The following ITGAX variants were observed in gnomAD, a reference collection of about 807,000 sequenced individuals.
ITGAX encodes integrin subunit alpha X, also known as integrin alpha-X.
Under a neutral mutation model 140.2 loss-of-function variants are expected in ITGAX, and 99 were observed. That is an observed-to-expected ratio of 0.71 (90% CI 0.60 to 0.83). The LOEUF (loss-of-function observed/expected upper bound fraction) is 0.83. Ranked by LOEUF, ITGAX falls within the 40% of genes least tolerant of loss-of-function variation. ITGAX has a pLI of 0.00. For missense variants in ITGAX, 1,444 were observed against 1,482.0 expected, an observed-to-expected ratio of 0.97 and a Z score of 0.42; for synonymous variants, 631 against 600.4, an observed-to-expected ratio of 1.05 and a Z score of -0.75.
chr16:31,372,851 T>C (rs1389555042), intron 19 of ITGAX, among the ~76,000 whole-genome samples, 181 bp downstream of exon 19: 1 of 152,040 alleles, frequency 6.6e-6, no homozygotes, highest in Admixed American at 6.6e-5. Context: ...TGGGAGGATC[T>C]TTTGAGGCCA....
In ITGAX at chr16:31,380,542, C is replaced by T. The variant is rs202128589; in HGVS notation, c.3194C>T (p.Ser1065Leu). The T allele has an allele frequency of 7.4e-5, 119 of 1,614,204 alleles. No individual in the cohort carries two copies. In the South Asian group the frequency reaches 8.8e-4, roughly 12 times the overall value. ...TTGCAGATATTGCAGAAGAAGGTGT[C>T]GGTCGTGAGTGTGGCTGAAATTACG... Reference protein sequence around the residue: ...WVRQILQKKVSVVSVAEITFD... With the variant: ...WVRQILQKKVLVVSVAEITFD... The change falls in exon 28 of 30, where the codon TCG becomes TTG. Residue 1065 changes from serine to leucine, a missense_variant. Physicochemically the swap from Ser to Leu is moderately radical, Grantham distance 145. Coordinates refer to ENST00000268296, the MANE Select transcript of ITGAX (RefSeq NM_000887.5).
chr16:31,362,931 T>C lies in ITGAX; in HGVS notation c.1360-4T>C, dbSNP rs770740038. The stretch of plus-strand genomic sequence containing the variant: ...GGCAGCATGACCCAGGCTCTGCCCT[T>C]CAGATCGGCTCCTACTTCGGGGCCT... On this transcript the variant is annotated splice_polypyrimidine_tract_variant and splice_region_variant and intron_variant, in intron 12 of 29. Coordinates refer to ENST00000268296, the MANE Select transcript of ITGAX (RefSeq NM_000887.5). The C allele has an allele frequency of 1.9e-6, 3 of 1,611,568 alleles. No homozygotes were observed. Among genetic ancestry groups the C allele is most frequent in the Non-Finnish European group, 2.5e-6 (3 of 1,179,676 alleles).
At chr16:31,373,141 G>T (rs2080988031) in intron 19 of ITGAX, 108 bp from the exon 20 acceptor site, 1 of 759,542 alleles carries the variant, frequency 1.3e-6, no homozygotes, top group Admixed American at 2.7e-5. Context: ...GAACCCAGGG[G>T]TCCGTCCCCT....
rs1329053809 is a variant in ITGAX, at chr16:31,381,909, C to T, written c.*2C>T. ...CCCAGCCCGCCCAGTGAGAAATGAT[C>T]CCCTCTTTGCCTTGGACTTCTTCTC... On this transcript the variant is annotated 3_prime_UTR_variant, in exon 30 of 30. Coordinates refer to ENST00000268296, the MANE Select transcript of ITGAX (RefSeq NM_000887.5). 9 of 939,202 alleles carry T rather than the reference C, an allele frequency of 9.6e-6. No individual in the cohort carries two copies. The highest frequency in any genetic ancestry group is 1.2e-5 in the Non-Finnish European group (7 of 563,036). 58.2% of individuals were successfully genotyped at this position (939,202 alleles called of 1,614,324 possible).
Position 31,360,312 on chromosome 16 carries a change from AC to A in ITGAX, c.712del (p.Arg238AspfsTer53), listed in dbSNP as rs1371952188. On this transcript the variant is annotated frameshift_variant, in exon 8 of 30. Transcript: ENST00000268296. LOFTEE classifies it high-confidence loss of function. Reference sequence around the variant, plus strand: ...TAAGACCTCTCCTTTCCTGATAGGCACCGATTGTTCCATGCCTCATATGGGG... The same window carrying A: ...TAAGACCTCTCCTTTCCTGATAGGCACGATTGTTCCATGCCTCATATGGGG... ...YTATAIQNVV[H>X]RLFHASYGAR... 5 of 1,609,112 alleles carry A rather than the reference AC, an allele frequency of 3.1e-6. No homozygotes were observed. Among genetic ancestry groups the A allele is most frequent in the Non-Finnish European group, 3.4e-6 (4 of 1,177,472 alleles).
At chr16:31,368,131 C>T (rs1012867523) in intron 14 of ITGAX, among the ~76,000 whole-genome samples, 1 of 146,150 alleles carries the variant, frequency 6.8e-6, no homozygotes, top group Non-Finnish European at 1.5e-5. Context: ...CTGCTTCTTA[C>T]AGATGAGGAA....
intron 11 of ITGAX, 35 bp from the exon 12 acceptor site, chr16:31,362,576 A>T: frequency 6.3e-7 from 1 of 1,591,230 alleles, no homozygotes; most frequent in Non-Finnish European, 8.5e-7. Context: ...GGGAGGGGGA[A>T]TGGGGGCCTT....
chr16:31,380,737 G>A lies in ITGAX; in HGVS notation c.3276+113G>A, dbSNP rs546342362. 2.9e-6 allele frequency: 4 copies of A among 1,388,604 alleles called. No homozygotes were observed. The South Asian group carries it at 4.7e-5, about 16-fold the overall frequency. 86.0% of individuals were successfully genotyped at this position (1,388,604 alleles called of 1,614,324 possible). On this transcript the variant is annotated intron_variant, in intron 28 of 29. Transcript: ENST00000268296. Reference sequence around the variant, plus strand: ...TTGGGGGAGGAGGGCGAAGGCCTCTGGGCAGGATAGCTGTCCCTAAGGGCA... The same window carrying A: ...TTGGGGGAGGAGGGCGAAGGCCTCTAGGCAGGATAGCTGTCCCTAAGGGCA...
Position 31,362,088 on chromosome 16 carries a change from T to C in ITGAX, c.1100T>C (p.Leu367Pro). The change falls in exon 11 of 30, where the codon CTG becomes CCG. Residue 367 changes from leucine (L) to proline (P), a missense_variant. Coordinates refer to ENST00000268296, the MANE Select transcript of ITGAX (RefSeq NM_000887.5). Reference sequence around the variant, plus strand: ...CTTTTCTCCCAGGATGGCCCCGTTCTGGGGGCTGTGGGGAGCTTCACCTGG... The same window carrying C: ...CTTTTCTCCCAGGATGGCCCCGTTCCGGGGGCTGTGGGGAGCTTCACCTGG... Reference protein sequence around the residue: ...SAVFTPDGPVLGAVGSFTWSG... With the variant: ...SAVFTPDGPVPGAVGSFTWSG... 1.2e-6 allele frequency: 2 copies of C among 1,614,128 alleles called. No homozygotes were observed. The highest frequency in any genetic ancestry group is 1.3e-5 in the African/African-American group (1 of 75,024).
chr16:31,378,679 C>T (rs1388151075), intron 23 of ITGAX, among the ~76,000 whole-genome samples: 1 of 151,910 alleles, frequency 6.6e-6, no homozygotes. Context: ...GCTATGTTGC[C>T]CAGGCTGATC....
intron 9 of ITGAX, 39 bp from the exon 10 acceptor site, chr16:31,361,797 T>C (rs1350837024): frequency 3.1e-6 from 5 of 1,606,830 alleles, no homozygotes; most frequent in African/African-American, 2.7e-5. Flanking sequence ...GCAAAGCCCG[T>C]CTCCCTCCCT....
Position 31,356,989 on chromosome 16 carries a change from C to T in ITGAX, c.248-42C>T, listed in dbSNP as rs199930128. 2.6e-4 allele frequency: 406 copies of T among 1,540,108 alleles called. 4 individuals are homozygous for T. In the African/African-American group the frequency reaches 5.3e-3, roughly 20 times the overall value. On this transcript the variant is annotated intron_variant, in intron 3 of 29. Transcript: ENST00000268296. The stretch of plus-strand genomic sequence containing the variant: ...CTGCCCAGCTCTTCCACAGCCTTCT[C>T]TGTACCCCCGAGAGTGACCATGCAC...
chr16:31,369,248 A>AC (rs2080928143), intron 14 of ITGAX, among the ~76,000 whole-genome samples: 1 of 133,854 alleles, frequency 7.5e-6, no homozygotes, highest in East Asian at 2.2e-4. Flanking sequence ...TGACCCCCCC[A>AC]CCTCCCTCCT....
At chr16:31,357,401 C>G in intron 5 of ITGAX, 37 bp downstream of exon 5, 1 of 1,377,298 alleles carries the variant, frequency 7.3e-7, no homozygotes. Flanking sequence ...GAGGAGCTCA[C>G]GCACATCCAA....
At chr16:31,378,621 C>T (rs1359140051) in intron 23 of ITGAX, among the ~76,000 whole-genome samples, 1 of 152,000 alleles carries the variant, frequency 6.6e-6, no homozygotes, top group Non-Finnish European at 1.5e-5. Flanking sequence ...AGATGTGTGC[C>T]ACCATGCCTG....
At chr16:31,364,252 A>G (rs187032192) in intron 14 of ITGAX, among the ~76,000 whole-genome samples, 2 of 151,778 alleles carry the variant, frequency 1.3e-5, no homozygotes, top group East Asian at 2.0e-4. Context: ...GGGAGACCCC[A>G]TCTCTAGAAA....
chr16:31,362,810 G>A, intron 12 of ITGAX, 57 bp downstream of exon 12: 1 of 1,610,422 alleles, frequency 6.2e-7, no homozygotes, highest in Non-Finnish European at 8.5e-7. Flanking sequence ...GGCTGGGGCA[G>A]AGGAGAGGAT....
At chr16:31,371,054 T>G in intron 14 of ITGAX, 30 bp from the exon 15 acceptor site, 1 of 1,613,310 alleles carries the variant, frequency 6.2e-7, no homozygotes, top group Non-Finnish European at 8.5e-7. Context: ...CTACTTTCCA[T>G]CTTGATTCAC....
At chr16:31,357,428 C>A in intron 5 of ITGAX, 64 bp downstream of exon 5, 1 of 1,060,564 alleles carries the variant, frequency 9.4e-7, no homozygotes. Context: ...GTGCGGTGGG[C>A]TAGAGACAGT....
Sources: allele counts gnomAD v4.1 joint callset (sites outside exome capture counted in the v4.1 genomes callset), GRCh38; gene constraint gnomAD v4.1.1; transcripts MANE v1.5; gene names NCBI Gene and HGNC (gene_info 2026-07-23, HGNC 2026-07-21).